ZNF827: variants seen among roughly 807,000 people sequenced by gnomAD.
The protein encoded by ZNF827 is zinc finger protein 827.
A neutral mutation model predicts 102.4 loss-of-function variants in ZNF827; 13 were observed. That is an observed-to-expected ratio of 0.13 (90% CI 0.08 to 0.20). The LOEUF (loss-of-function observed/expected upper bound fraction) is 0.20. Ranked by LOEUF, ZNF827 falls within the 10% of genes least tolerant of loss-of-function variation. The pLI is 1.00. For synonymous variants in ZNF827, 523 were observed against 536.2 expected, an observed-to-expected ratio of 0.98 and a Z score of 0.34; for missense variants, 1,103 against 1,344.4, an observed-to-expected ratio of 0.82 and a Z score of 2.81.
At chr4:145,788,260 G>A (rs4521364) in intron 8 of ZNF827, among the ~76,000 whole-genome samples, 31,667 of 152,050 alleles carry the variant, frequency 0.21, 4,202 homozygotes, top group East Asian at 0.68. Flanking sequence ...CTTTATGCAG[G>A]TCATATTAAA....
At chr4:145,794,379 A>G (rs1342226833) in intron 8 of ZNF827, among the ~76,000 whole-genome samples, 4 of 152,190 alleles carry the variant, frequency 2.6e-5, no homozygotes, top group African/African-American at 9.6e-5. Flanking sequence ...AATGTCAGGT[A>G]AAACATCTAG....
chr4:145,858,793 T>C (rs1247222011), intron 5 of ZNF827, among the ~76,000 whole-genome samples: 5 of 152,176 alleles, frequency 3.3e-5, no homozygotes, highest in Non-Finnish European at 7.4e-5. Flanking sequence ...AGGGATTCCT[T>C]AATGCCCAAG....
chr4:145,902,817 C>T lies in ZNF827; in HGVS notation c.442G>A (p.Val148Ile), dbSNP rs575186320. The T allele has an allele frequency of 1.1e-4, 177 of 1,614,076 alleles. No individual in the cohort carries two copies. The highest frequency in any genetic ancestry group is 1.3e-4 in the Non-Finnish European group (157 of 1,179,996). Residue 148 changes from valine (V) to isoleucine (I), a missense_variant, in exon 2 of 15, where the codon GTA becomes ATA. Physicochemically the swap from Val to Ile is conservative, Grantham distance 29. Coordinates refer to ENST00000508784, the MANE Select transcript of ZNF827 (RefSeq NM_001306215.2). This position sits in a 1 kb window ranked among gnomAD's most constrained non-coding sequence, Gnocchi z 4.3. ...ATANGRVESPVNVGSNLSFSP... is the reference protein window; with the variant it reads ...ATANGRVESPINVGSNLSFSP... Reference sequence around the variant, plus strand: ...AAGGAGAGGTTCGAGCCAACGTTTACGGGGGACTCCACTCTGCCATTAGCC... The same window carrying T: ...AAGGAGAGGTTCGAGCCAACGTTTATGGGGGACTCCACTCTGCCATTAGCC...
chr4:145,836,592 C>T (rs182840980), intron 7 of ZNF827, among the ~76,000 whole-genome samples: 6 of 152,284 alleles, frequency 3.9e-5, no homozygotes, highest in African/African-American at 1.2e-4. Context: ...CTGGCTCGGA[C>T]TTCAATCCGG....
At position 145,781,195 on chromosome 4, in the gene ZNF827, C is replaced by CAAAAAAAAA. The variant is rs10605153; in HGVS notation, c.2384-1693_2384-1685dup. ...CGGGCAACAGAACGAGACACCATCT[C>CAAAAAAAAA]AAAAAAAAAAAAAAAAAAAAAAGAA... On this transcript the variant is annotated intron_variant, in intron 8 of 14. Coordinates refer to ENST00000508784, the MANE Select transcript of ZNF827 (RefSeq NM_001306215.2). Among the ~76,000 whole-genome samples the CAAAAAAAAA allele has an allele frequency of 9.3e-3, 524 of 56,552 alleles. 2 individuals carry two copies. Among genetic ancestry groups the CAAAAAAAAA allele is most frequent in the East Asian group, 0.033 (48 of 1,474 alleles). 37.1% of individuals were successfully genotyped at this position (56,552 alleles called of 152,430 possible). A position where few individuals can be genotyped will look rare whatever the true frequency, so the allele number is the denominator to read the frequency against.
At chr4:145,934,420 C>T (rs990220375) in intron 1 of ZNF827, among the ~76,000 whole-genome samples, 5 of 152,274 alleles carry the variant, frequency 3.3e-5, no homozygotes, top group African/African-American at 1.2e-4. Flanking sequence ...AATCAGAAAC[C>T]TAAGGCTTAG....
chr4:145,923,440 A>G (rs531148231), intron 1 of ZNF827, among the ~76,000 whole-genome samples: 310 of 142,928 alleles, frequency 2.2e-3, no homozygotes, highest in African/African-American at 6.8e-3. Context: ...ACCCATCTCT[A>G]TTACAAATGT....
At chr4:145,937,170 G>T (rs1055960972) in intron 1 of ZNF827, among the ~76,000 whole-genome samples, 22 of 152,110 alleles carry the variant, frequency 1.4e-4, no homozygotes, top group Non-Finnish European at 2.9e-4. Flanking sequence ...GGGAGTGGGG[G>T]AAAAGTTAAG....
chr4:145,861,829 G>A (rs1259254891), intron 5 of ZNF827, among the ~76,000 whole-genome samples: 10 of 152,178 alleles, frequency 6.6e-5, no homozygotes, highest in African/African-American at 2.4e-4. Context: ...CAGAGTTCTT[G>A]CCTGGTTTCT....
intron 5 of ZNF827, among the ~76,000 whole-genome samples, chr4:145,857,595 T>C (rs1028866534): frequency 6.6e-6 from 1 of 152,230 alleles, no homozygotes; most frequent in Non-Finnish European, 1.5e-5. Flanking sequence ...TATCAGAATA[T>C]GTCCCTCAAA....
rs1273440351 is a variant in ZNF827, at chr4:145,860,381, G to A, written c.1981+9864C>T. On this transcript the variant is annotated intron_variant, in intron 5 of 14. Transcript: ENST00000508784. ...CTCAAAATAGCAGGAAGAATTTCTGGTAGCAAAAATAGGGGAAGTGTGTAC... is the reference window on the plus strand; with the variant it reads ...CTCAAAATAGCAGGAAGAATTTCTGATAGCAAAAATAGGGGAAGTGTGTAC... 4.6e-5 allele frequency among the ~76,000 whole-genome samples: 7 copies of A among 152,192 alleles called. 1 individual carries two copies.
Position 145,775,887 on chromosome 4 carries a change from G to A in ZNF827, c.2595C>T (p.Thr865=), listed in dbSNP as rs576838924. The A allele has an allele frequency of 1.9e-5, 30 of 1,614,158 alleles. No homozygotes were observed. In the South Asian group the frequency reaches 2.3e-4, roughly 12 times the overall value. Residue 865 remains threonine (T), a synonymous_variant, in exon 10 of 15, where the codon ACC becomes ACT. Coordinates refer to ENST00000508784, the MANE Select transcript of ZNF827 (RefSeq NM_001306215.2). ...KCRANLNQHL[T]VHSVKLVSTD... ...TACTCACCAGCTTCACGGAATGGAC[G>A]GTCAAGTGCTGGTTCAGATTTGCAC...
At chr4:145,797,639 G>T (rs1740505862) in intron 8 of ZNF827, among the ~76,000 whole-genome samples, 5 of 152,136 alleles carry the variant, frequency 3.3e-5, no homozygotes, top group Admixed American at 3.3e-4. Context: ...ATTTTAAAAA[G>T]AAAATGATGA....
At chr4:145,793,814 A>G (rs1290431560) in intron 8 of ZNF827, among the ~76,000 whole-genome samples, 2 of 152,174 alleles carry the variant, frequency 1.3e-5, no homozygotes, top group African/African-American at 4.8e-5. Context: ...TTCCCTCAGC[A>G]GAATCTTTGC....
chr4:145,816,742 G>A (rs1371186701), intron 8 of ZNF827, among the ~76,000 whole-genome samples: 2 of 152,188 alleles, frequency 1.3e-5, no homozygotes, highest in Non-Finnish European at 2.9e-5. Context: ...GTAAACAGCT[G>A]CACAGACTAT....
intron 11 of ZNF827, among the ~76,000 whole-genome samples, chr4:145,766,062 C>T (rs1222242903): frequency 1.3e-5 from 2 of 152,158 alleles, no homozygotes; most frequent in Non-Finnish European, 2.9e-5. Flanking sequence ...TAAATTATCT[C>T]ATTTTGTTTT....
chr4:145,797,414 G>C (rs116416225), intron 8 of ZNF827, among the ~76,000 whole-genome samples: 1 of 152,130 alleles, frequency 6.6e-6, no homozygotes, highest in Non-Finnish European at 1.5e-5. Flanking sequence ...TATAATAACA[G>C]CCAGAGGATT....
Position 145,769,942 on chromosome 4 carries a change from T to C in ZNF827, c.2861-4204A>G, listed in dbSNP as rs543329167. 1.6e-3 allele frequency among the ~76,000 whole-genome samples: 240 copies of C among 152,364 alleles called. 1 individual carries two copies. Among genetic ancestry groups the C allele is most frequent in the South Asian group, 4.6e-3 (22 of 4,828 alleles). ...ACACTGTTACATTTTAGAGTACTTT[T>C]CATTCTTAACAAAGTAAGCACTTCT... On this transcript the variant is annotated intron_variant, in intron 11 of 14. Transcript: ENST00000508784.
chr4:145,861,554 G>A (rs556202047), intron 5 of ZNF827, among the ~76,000 whole-genome samples: 4 of 152,294 alleles, frequency 2.6e-5, no homozygotes, highest in East Asian at 1.9e-4. Context: ...ATGTGTTACC[G>A]ATTAGGTAAC....
Sources: gnomAD v4.1 joint callset for allele counts (sites outside exome capture counted in the v4.1 genomes callset) on GRCh38, gnomAD v4.1.1 for gene constraint, Gnocchi (gnomAD v3.1) non-coding constraint, MANE v1.5 for transcripts, NCBI Gene and HGNC (gene_info 2026-07-23, HGNC 2026-07-21) for gene names.